The following PLCH2 variants were observed in gnomAD, a reference collection of about 807,000 sequenced individuals.
The protein encoded by PLCH2 is 1-phosphatidylinositol 4,5-bisphosphate phosphodiesterase eta-2.
In PLCH2, 98 loss-of-function variants were observed where a neutral mutation model predicts 134.7. That is an observed-to-expected ratio of 0.73 (90% confidence interval 0.62 to 0.86). The LOEUF is 0.86. PLCH2 is among the 40% of genes least tolerant of loss of function. The probability of loss-of-function intolerance (pLI) is 0.00; values close to 1 mark genes in which losing one functional copy is unlikely to be tolerated. For missense variants in PLCH2, 1,994 were observed against 1,986.6 expected, an observed-to-expected ratio of 1.00 and a Z score of -0.07; for synonymous variants, 974 against 827.5, an observed-to-expected ratio of 1.18 and a Z score of -3.04.
intron 21 of PLCH2, chr1:2,503,537 GC>G: frequency 1.5e-6 from 1 of 682,646 alleles, no homozygotes; most frequent in Non-Finnish European, 2.7e-6. Flanking sequence ...CATACACGGA[GC>G]CCGCCCCACA....
chr1:2,504,739 C>T lies in PLCH2; in HGVS notation c.3777C>T (p.Asp1259=). 6.2e-7 allele frequency: 1 copy of T among 1,612,566 alleles called. No homozygotes were observed. Among genetic ancestry groups the T allele is most frequent in the Non-Finnish European group, 8.5e-7 (1 of 1,179,800 alleles). The part of the protein sequence containing the change: ...PVAAKSKSLG[D]LTADDFAPSF... ...CTGCCAAGTCCAAGAGCCTGGGCGA[C>T]CTCACTGCTGATGACTTTGCCCCTA... is the stretch of plus-strand genomic sequence containing the variant. The change falls in exon 22 of 22, where the codon GAC becomes GAT. Residue 1259 remains aspartate, a synonymous_variant. Transcript: ENST00000378486.
the PLCH2 span, among the ~76,000 whole-genome samples, chr1:2,419,767 G>T: frequency 1.4e-4 from 21 of 152,096 alleles, no homozygotes; most frequent in African/African-American, 5.1e-4. Context: ...CTTGGGGGCC[G>T]CTCATCCTTC....
Position 2,460,308 on chromosome 1 carries a change from A to T in PLCH2, c.116-18168A>T, listed in dbSNP as rs868322960. Among the ~76,000 whole-genome samples the T allele has an allele frequency of 5.2e-5, 8 of 152,392 alleles. 1 individual carries two copies. The Middle Eastern group carries it at 0.017, about 324-fold the overall frequency. Reference sequence around the variant, plus strand: ...ACTGCTCTGTGTCTCCCAGACCAGAAGCCCTCTGGGTGCGGGGCCTACCTC... The same window carrying T: ...ACTGCTCTGTGTCTCCCAGACCAGATGCCCTCTGGGTGCGGGGCCTACCTC... On this transcript the variant is annotated intron_variant, in intron 2 of 3. Transcript: ENST00000609981.
chr1:2,458,200 G>A (rs997338775), intron 2 of PLCH2, among the ~76,000 whole-genome samples: 5 of 152,280 alleles, frequency 3.3e-5, no homozygotes, highest in South Asian at 4.1e-4. Context: ...TGCCTGGGGC[G>A]GGGGGACTCC....
intron 16 of PLCH2, 162 bp downstream of exon 16, chr1:2,497,771 T>G: frequency 6.1e-5 from 29 of 478,054 alleles, no homozygotes; most frequent in Middle Eastern, 5.9e-4. Context: ...CCCAGGATGC[T>G]GGGGAGGTGG....
intron 5 of PLCH2, among the ~76,000 whole-genome samples, chr1:2,485,901 C>T (rs530401509): frequency 3.3e-5 from 5 of 152,282 alleles, no homozygotes; most frequent in East Asian, 1.9e-4. Flanking sequence ...CCTGAGCTCC[C>T]GGGATGCCCC....
At chr1:2,474,879 C>G (rs1641529834), upstream of PLCH2, among the ~76,000 whole-genome samples, 1 of 152,192 alleles carries the variant, frequency 6.6e-6, no homozygotes, top group African/African-American at 2.4e-5. Flanking sequence ...AGGCCACCTC[C>G]TGGCCCCTGC....
upstream of PLCH2, among the ~76,000 whole-genome samples, chr1:2,424,182 A>G (rs1638658026): frequency 6.6e-6 from 1 of 152,260 alleles, no homozygotes; most frequent in Non-Finnish European, 1.5e-5. Context: ...TAACATAACC[A>G]TCACCTCAGA....
intron 2 of PLCH2, among the ~76,000 whole-genome samples, chr1:2,436,068 C>T (rs1287345054): frequency 1.6e-5 from 2 of 126,000 alleles, no homozygotes; most frequent in African/African-American, 3.0e-5. Flanking sequence ...TCCCCTCCTC[C>T]CTTCCTCTCT....
chr1:2,472,882 C>T (rs10910081), upstream of PLCH2, among the ~76,000 whole-genome samples: 12 of 151,820 alleles, frequency 7.9e-5, no homozygotes, highest in Non-Finnish European at 1.2e-4. Context: ...GGAGGGGCTG[C>T]GGTACCCAAA....
At position 2,489,834 on chromosome 1, in the gene PLCH2, G is replaced by A. The variant is rs1642472315; in HGVS notation, c.1482G>A (p.Glu494=). 6.2e-7 allele frequency: 1 copy of A among 1,613,600 alleles called. No homozygotes were observed. The highest frequency in any genetic ancestry group is 1.3e-5 in the African/African-American group (1 of 75,066). The change falls in exon 10 of 22, where the codon GAG becomes GAA. Residue 494 remains glutamate, a synonymous_variant. Coordinates refer to ENST00000378486, the MANE Select transcript of PLCH2 (RefSeq NM_014638.4). ...TGTCTGATGAGGACAGTGCTGATGA[G>A]ATTGACGATGACTGCAAGCTCCTCA... ...GEVSDEDSAD[E]IDDDCKLLNG...
chr1:2,453,618 G>A (rs552403942), intron 2 of PLCH2, among the ~76,000 whole-genome samples: 28 of 152,286 alleles, frequency 1.8e-4, no homozygotes, highest in African/African-American at 6.7e-4. Flanking sequence ...TCTGGCAGGG[G>A]CAGGACCCTC....
In PLCH2 at chr1:2,447,302, G is replaced by C. The variant is rs748740379; in HGVS notation, c.115+16673G>C. Among the ~76,000 whole-genome samples the C allele has an allele frequency of 2.0e-5, 3 of 152,184 alleles. 1 individual carries two copies. The highest frequency in any genetic ancestry group is 7.2e-5 in the African/African-American group (3 of 41,442). On this transcript the variant is annotated intron_variant, in intron 2 of 3. Transcript: ENST00000609981. ...TTGCTCACCTCACCCGCATCCTCCA[G>C]GACCACTCTGCCTTCAGCTCCTTCT...
chr1:2,469,080 C>T (rs1641205638), intron 1 of PLCH2, among the ~76,000 whole-genome samples: 1 of 152,210 alleles, frequency 6.6e-6, no homozygotes, highest in African/African-American at 2.4e-5. Flanking sequence ...ACTCCAGGTG[C>T]ACCCACTCGC....
In PLCH2 at chr1:2,448,190, G is replaced by A. The variant is rs1640028401; in HGVS notation, c.115+17561G>A. Among the ~76,000 whole-genome samples, 3 of 152,226 alleles carry A rather than the reference G, an allele frequency of 2.0e-5. No homozygotes were observed. In the South Asian group the frequency reaches 6.2e-4, roughly 32 times the overall value. On this transcript the variant is annotated intron_variant, in intron 2 of 3. Coordinates refer to the PLCH2 transcript ENST00000609981. The surrounding 1 kb of genome is among the most constrained non-coding windows in gnomAD (Gnocchi z 4.0). ...GTGTCTGGAGCACCACGACATGGAGGGGTGTGTTTCCTGCAGCTGCTGGGA... is the reference window on the plus strand; with the variant it reads ...GTGTCTGGAGCACCACGACATGGAGAGGTGTGTTTCCTGCAGCTGCTGGGA...
At chr1:2,434,362 C>T (rs1047845128) in intron 2 of PLCH2, among the ~76,000 whole-genome samples, 2 of 152,120 alleles carry the variant, frequency 1.3e-5, no homozygotes, top group Non-Finnish European at 2.9e-5. Flanking sequence ...CTCCTTGTGC[C>T]GTGGGGCCCC....
chr1:2,429,881 G>A (rs1354049207), intron 1 of PLCH2, among the ~76,000 whole-genome samples: 10 of 152,274 alleles, frequency 6.6e-5, no homozygotes, highest in South Asian at 2.1e-4. Context: ...TGGGGGGGCC[G>A]GCCTCAGAGA....
chr1:2,499,152 TTCC>T lies in PLCH2; in HGVS notation c.2506_2508del (p.Leu836del), dbSNP rs1246889247. 3.1e-6 allele frequency: 5 copies of T among 1,613,036 alleles called. No homozygotes were observed. Among genetic ancestry groups the T allele is most frequent in the Non-Finnish European group, 4.2e-6 (5 of 1,179,782 alleles). ...CATGCCGGAGATCGCGCTGGTCCGC[TTCC>T]TCGTCTGGGACCACGATCCCATCGG... On this transcript the variant is annotated inframe_deletion, in exon 19 of 22. Transcript: ENST00000378486.
intron 1 of PLCH2, chr1:2,430,259 G>C (rs1639005111): frequency 6.6e-6 from 1 of 152,558 alleles, no homozygotes; most frequent in Admixed American, 6.5e-5. Context: ...GGCACACACT[G>C]TGCTCCCTCC....
Sources: gnomAD v4.1 joint callset for allele counts (sites outside exome capture counted in the v4.1 genomes callset) on GRCh38, gnomAD v4.1.1 for gene constraint, Gnocchi (gnomAD v3.1) non-coding constraint, MANE v1.5 for transcripts, NCBI Gene and HGNC (gene_info 2026-07-23, HGNC 2026-07-21) for gene names.